Variants in HORMAD2 observed in about 807,000 individuals in gnomAD.
HORMAD2 encodes the protein HORMA domain-containing protein 2.
Under a neutral mutation model 38.8 loss-of-function variants are expected in HORMAD2, and 45 were observed. The observed-to-expected ratio is 1.16, with a 90% CI of 0.91 to 1.49. The LOEUF (loss-of-function observed/expected upper bound fraction) is 1.49. Among genes scored for constraint, HORMAD2 ranks in the 40% most tolerant of loss-of-function variants. HORMAD2 has a pLI of 0.00. For synonymous variants in HORMAD2, 126 were observed against 122.8 expected (o/e 1.03, Z -0.17); for missense variants, 338 against 367.0 (o/e 0.92, Z 0.65).
chr22:30,109,463 G>A (rs1921463473), intron 5 of HORMAD2, among the ~76,000 whole-genome samples: 2 of 152,056 alleles, frequency 1.3e-5, no homozygotes, highest in Admixed American at 6.6e-5. Flanking sequence ...GACCACAAGT[G>A]TGCACCACTA....
chr22:30,199,795 C>G, the HORMAD2 span, among the ~76,000 whole-genome samples: 1 of 151,180 alleles, frequency 6.6e-6, no homozygotes, highest in East Asian at 2.0e-4. Context: ...TTTCCACACA[C>G]AGCTTCATCA....
At chr22:30,089,587 G>A (rs2068645794) in intron 1 of HORMAD2, among the ~76,000 whole-genome samples, 1 of 152,014 alleles carries the variant, frequency 6.6e-6, no homozygotes. Context: ...TCCTGACCTC[G>A]TGATCCACCC....
At chr22:30,132,638 C>A (rs1299699585) in intron 10 of HORMAD2, among the ~76,000 whole-genome samples, 2 of 151,874 alleles carry the variant, frequency 1.3e-5, no homozygotes, top group African/African-American at 2.4e-5. Context: ...TTTTGTCAAA[C>A]AGAAAATTAT....
At position 30,159,283 on chromosome 22, in the gene HORMAD2, C is replaced by G. The variant is rs552129888; in HGVS notation, c.820-16780C>G. Among the ~76,000 whole-genome samples the G allele has an allele frequency of 3.9e-5, 6 of 152,194 alleles. No individual in the cohort carries two copies. The South Asian group carries it at 1.2e-3, about 32-fold the overall frequency. On this transcript the variant is annotated intron_variant, in intron 10 of 10. Transcript: ENST00000336726. The stretch of plus-strand genomic sequence containing the variant: ...CTGGCCCAGCTAGATTCGAACTAGC[C>G]CTACATTTCTAAGTAAATAGTGCTT...
the HORMAD2 span, chr22:30,206,921 T>C: frequency 1.1e-5 from 4 of 380,724 alleles, no homozygotes; most frequent in Admixed American, 5.9e-5. Flanking sequence ...CCGAGCATCA[T>C]TCAAGGGAAA....
intron 10 of HORMAD2, among the ~76,000 whole-genome samples, chr22:30,163,594 T>A (rs1925588530): frequency 1.3e-5 from 2 of 151,438 alleles, no homozygotes; most frequent in African/African-American, 4.9e-5. Context: ...GCCCAGCTAA[T>A]TTTTTGTATT....
intron 10 of HORMAD2, among the ~76,000 whole-genome samples, chr22:30,173,323 G>A (rs1448044443): frequency 6.6e-6 from 1 of 152,212 alleles, no homozygotes; most frequent in Admixed American, 6.5e-5. Context: ...CAATGGATTG[G>A]AGAGGCAGTC....
intron 3 of HORMAD2, among the ~76,000 whole-genome samples, chr22:30,101,425 A>G: frequency 6.7e-6 from 1 of 149,212 alleles, no homozygotes; most frequent in African/African-American, 2.5e-5. Context: ...CACACACTGG[A>G]GCCTGTAGGG....
chr22:30,106,257 C>T (rs1223461988), intron 5 of HORMAD2, among the ~76,000 whole-genome samples: 2 of 152,078 alleles, frequency 1.3e-5, no homozygotes, highest in African/African-American at 2.4e-5. Flanking sequence ...GTGATCTGCC[C>T]AACTCAGCCT....
intron 10 of HORMAD2, among the ~76,000 whole-genome samples, chr22:30,160,788 CA>C (rs1925395359): frequency 6.6e-6 from 1 of 152,162 alleles, no homozygotes; most frequent in Non-Finnish European, 1.5e-5. Flanking sequence ...TTAATTACAA[CA>C]AAGTGTTTGA....
chr22:30,094,077 G>T, intron 2 of HORMAD2, 74 bp downstream of exon 2: 2 of 1,080,386 alleles, frequency 1.9e-6, no homozygotes. Flanking sequence ...TTAATCTTTT[G>T]TGTGTGTGTT....
intron 10 of HORMAD2, among the ~76,000 whole-genome samples, chr22:30,146,224 G>A (rs1282550343): frequency 6.6e-6 from 1 of 152,210 alleles, no homozygotes; most frequent in Non-Finnish European, 1.5e-5. Context: ...CAGGCGCAGT[G>A]GCTCATGCCT....
intron 10 of HORMAD2, among the ~76,000 whole-genome samples, chr22:30,144,568 C>T (rs939943780): frequency 2.2e-4 from 33 of 152,168 alleles, no homozygotes; most frequent in African/African-American, 6.8e-4. Context: ...GAGCTAGGTA[C>T]GGGGACAACG....
the HORMAD2 span, among the ~76,000 whole-genome samples, chr22:30,193,284 C>CT: frequency 6.6e-6 from 1 of 152,152 alleles, no homozygotes; most frequent in African/African-American, 2.4e-5. Context: ...TCACTATGTT[C>CT]TTTAATTCAA....
At chr22:30,088,215 A>G (rs1001718562) in intron 1 of HORMAD2, among the ~76,000 whole-genome samples, 2 of 150,356 alleles carry the variant, frequency 1.3e-5, no homozygotes, top group Non-Finnish European at 3.0e-5. Flanking sequence ...ATACATATAT[A>G]CACATATATA....
At chr22:30,153,814 CCCTCAAAA>C (rs1374454893) in intron 10 of HORMAD2, among the ~76,000 whole-genome samples, 4 of 152,172 alleles carry the variant, frequency 2.6e-5, no homozygotes, top group Admixed American at 2.0e-4. Context: ...TAGTTCTTCT[CCCTCAAAA>C]CCTATATCCA....
At chr22:30,133,579 C>G (rs982965121) in intron 10 of HORMAD2, among the ~76,000 whole-genome samples, 1 of 150,308 alleles carries the variant, frequency 6.7e-6, no homozygotes, top group Admixed American at 6.6e-5. Context: ...TGCAATTGGC[C>G]CTTTGTATCT....
downstream of HORMAD2, among the ~76,000 whole-genome samples, chr22:30,177,823 G>A (rs1020347055): frequency 2.1e-5 from 3 of 142,826 alleles, no homozygotes; most frequent in African/African-American, 5.1e-5. Context: ...GGGACTACAA[G>A]CATGTGCCAC....
intron 4 of HORMAD2, among the ~76,000 whole-genome samples, chr22:30,103,774 G>T (rs140797479): frequency 1.5e-5 from 2 of 137,660 alleles, no homozygotes; most frequent in Non-Finnish European, 3.0e-5. Context: ...GTGATTCTCC[G>T]CCTCAGCCTC....
Sources: allele counts gnomAD v4.1 joint callset (sites outside exome capture counted in the v4.1 genomes callset), GRCh38; gene constraint gnomAD v4.1.1; transcripts MANE v1.5; gene names NCBI Gene and HGNC (gene_info 2026-07-23, HGNC 2026-07-21).